FGF20: variants seen among roughly 807,000 people sequenced by gnomAD.
The protein encoded by FGF20 is fibroblast growth factor 20.
Under a neutral mutation model 16.7 loss-of-function variants are expected in FGF20, and 8 were observed. The observed-to-expected ratio is 0.48, with a 90% confidence interval of 0.28 to 0.87. The LOEUF is 0.87. Among genes scored for constraint, FGF20 ranks in the 40% least tolerant of loss-of-function variants. The probability of loss-of-function intolerance (pLI) is 0.10; values close to 1 mark genes in which losing one functional copy is unlikely to be tolerated. For missense variants in FGF20, 397 were observed against 281.4 expected (o/e 1.41, Z -2.94); for synonymous variants, 161 against 118.6 (o/e 1.36, Z -2.32).
rs1476291327 is a variant in FGF20, at chr8:17,002,143, C to G, written c.-111G>C. The G allele has an allele frequency of 1.7e-6, 2 of 1,155,544 alleles. No individual in the cohort carries two copies. Among genetic ancestry groups the G allele is most frequent in the Non-Finnish European group, 1.1e-6 (1 of 873,330 alleles). 71.6% of individuals were successfully genotyped at this position (1,155,544 alleles called of 1,614,324 possible). A position where few individuals can be genotyped will look rare whatever the true frequency, so the allele number is the denominator to read the frequency against. On this transcript the variant is annotated 5_prime_UTR_variant, in exon 1 of 3. Coordinates refer to ENST00000180166, the MANE Select transcript of FGF20 (RefSeq NM_019851.3). ...CAAAACGAGCGCAAAAAGTTAAGGCCCGGTTACTCCTCTGAGGTCGCTCCG... is the reference window on the plus strand; with the variant it reads ...CAAAACGAGCGCAAAAAGTTAAGGCGCGGTTACTCCTCTGAGGTCGCTCCG...
Position 17,002,060 on chromosome 8 carries a change from C to G in FGF20, c.-28G>C, listed in dbSNP as rs1352407288. 1 of 1,511,354 alleles carries G rather than the reference C, an allele frequency of 6.6e-7. No individual in the cohort carries two copies. The highest frequency in any genetic ancestry group is 8.8e-7 in the Non-Finnish European group (1 of 1,131,662). 93.6% of individuals were successfully genotyped at this position (1,511,354 alleles called of 1,614,324 possible). A position where few individuals can be genotyped will look rare whatever the true frequency, so the allele number is the denominator to read the frequency against. On this transcript the variant is annotated 5_prime_UTR_variant, in exon 1 of 3. Transcript: ENST00000180166. Reference sequence around the variant, plus strand: ...AGGGGGAGATCCGGAACACAAAAGACCCCCCCAGTAAAGAGTGTTGTGGGG... The same window carrying G: ...AGGGGGAGATCCGGAACACAAAAGAGCCCCCCAGTAAAGAGTGTTGTGGGG...
At chr8:16,993,498 A>T (rs1039234845) in intron 2 of FGF20, among the ~76,000 whole-genome samples, 181 bp from the exon 3 acceptor site, 11 of 152,122 alleles carry the variant, frequency 7.2e-5, no homozygotes, top group African/African-American at 2.7e-4. Flanking sequence ...AGGTGACTTC[A>T]TCTGGCAGTG....
In FGF20 at chr8:16,995,640, A is replaced by G. The variant is rs905687179; in HGVS notation, c.390+15T>C. 4.2e-6 allele frequency: 5 copies of G among 1,177,656 alleles called. No individual in the cohort carries two copies. The highest frequency in any genetic ancestry group is 6.0e-6 in the Non-Finnish European group (5 of 838,692). 73.0% of individuals were successfully genotyped at this position (1,177,656 alleles called of 1,614,324 possible). ...AAGAATTACAATAATAATAAAAAAT[A>G]AAAATAATACGTACTGATCCATAGA... is the stretch of plus-strand genomic sequence containing the variant. On this transcript the variant is annotated intron_variant, in intron 2 of 2. Coordinates refer to ENST00000180166, the MANE Select transcript of FGF20 (RefSeq NM_019851.3).
At chr8:16,995,979 A>G (rs985594632) in intron 1 of FGF20, among the ~76,000 whole-genome samples, 2 of 152,184 alleles carry the variant, frequency 1.3e-5, no homozygotes, top group African/African-American at 4.8e-5. Context: ...TGGTGAGACA[A>G]TCAAGTATAA....
intron 1 of FGF20, among the ~76,000 whole-genome samples, chr8:17,001,520 G>T (rs1031983830): frequency 6.6e-6 from 1 of 152,140 alleles, no homozygotes; most frequent in African/African-American, 2.4e-5. Flanking sequence ...TGGAGCTGCT[G>T]CCCTGCTAGA....
chr8:16,994,253 C>T (rs1453373848), intron 2 of FGF20, among the ~76,000 whole-genome samples: 1 of 152,152 alleles, frequency 6.6e-6, no homozygotes, highest in African/African-American at 2.4e-5. Context: ...ATTTCAAGAT[C>T]TTGCTAAGAA....
chr8:16,997,710 G>A (rs1248702807), intron 1 of FGF20, among the ~76,000 whole-genome samples: 2 of 152,162 alleles, frequency 1.3e-5, no homozygotes, highest in Non-Finnish European at 2.9e-5. Flanking sequence ...ACAGCAAGAA[G>A]GCTTAGGACA....
In FGF20 at chr8:16,996,633, T is replaced by C. The variant is rs539153134; in HGVS notation, c.287-875A>G. On this transcript the variant is annotated intron_variant, in intron 1 of 2. Coordinates refer to ENST00000180166, the MANE Select transcript of FGF20 (RefSeq NM_019851.3). ...CTACGATAAATCAAGTCAATCTGTT[T>C]CTAGGAGCAGCAGCATCCCTTATTG... Among the ~76,000 whole-genome samples, 261 of 152,282 alleles carry C rather than the reference T, an allele frequency of 1.7e-3. 1 individual carries two copies. Among genetic ancestry groups the C allele is most frequent in the African/African-American group, 6.0e-3 (251 of 41,568 alleles).
intron 1 of FGF20, among the ~76,000 whole-genome samples, chr8:16,998,512 A>G (rs1486635182): frequency 6.6e-6 from 1 of 152,222 alleles, no homozygotes; most frequent in Non-Finnish European, 1.5e-5. Context: ...CTTTACAAAG[A>G]GTAGACATGA....
chr8:16,997,568 T>G (rs917326641), intron 1 of FGF20, among the ~76,000 whole-genome samples: 1 of 152,138 alleles, frequency 6.6e-6, no homozygotes, highest in Non-Finnish European at 1.5e-5. Context: ...TCTTTCAAAC[T>G]ATTAGGAGAT....
At chr8:17,001,624 G>A (rs1293564938) in intron 1 of FGF20, 123 bp downstream of exon 1, 5 of 1,178,874 alleles carry the variant, frequency 4.2e-6, no homozygotes, top group Admixed American at 3.2e-5. Context: ...GATGGGTCCA[G>A]GGGAGCTCCG....
chr8:17,000,597 G>A (rs143686691), intron 1 of FGF20, among the ~76,000 whole-genome samples: 7 of 152,150 alleles, frequency 4.6e-5, no homozygotes, highest in African/African-American at 1.7e-4. Flanking sequence ...TCAAAAGTTT[G>A]ATAATCAAAA....
intron 2 of FGF20, among the ~76,000 whole-genome samples, chr8:16,994,025 T>C (rs3905792): frequency 0.96 from 145,735 of 152,150 alleles, 70,102 homozygotes; most frequent in East Asian, 1. Flanking sequence ...AATACCAGTC[T>C]ATGGCCCAGG....
chr8:17,001,054 C>G (rs992205921), intron 1 of FGF20, among the ~76,000 whole-genome samples: 39 of 151,060 alleles, frequency 2.6e-4, no homozygotes, highest in African/African-American at 8.1e-4. Context: ...CCCCTCCCCC[C>G]CTTTCCTTTT....
chr8:16,996,616 A>G (rs1810053373), intron 1 of FGF20, among the ~76,000 whole-genome samples: 1 of 152,180 alleles, frequency 6.6e-6, no homozygotes, highest in African/African-American at 2.4e-5. Flanking sequence ...ATCTACGATA[A>G]ATCAAGTCAA....
intron 2 of FGF20, among the ~76,000 whole-genome samples, chr8:16,993,984 G>C (rs1018233601): frequency 2.0e-5 from 3 of 152,164 alleles, no homozygotes; most frequent in Non-Finnish European, 4.4e-5. Context: ...ACCTCCTGCT[G>C]TGCAGCCCAG....
chr8:16,999,518 CTTTTTTTTT>C (rs370808443), intron 1 of FGF20, among the ~76,000 whole-genome samples: 115 of 85,850 alleles, frequency 1.3e-3, no homozygotes, highest in Admixed American at 2.0e-3. Context: ...TACAAGTTTC[CTTTTTTTTT>C]TTTTTTTTTT....
chr8:16,995,584 T>A (rs1252642118), intron 2 of FGF20, 71 bp downstream of exon 2: 1 of 628,666 alleles, frequency 1.6e-6, no homozygotes, highest in Non-Finnish European at 2.5e-6. Flanking sequence ...TTGGTAGACA[T>A]TTTAATTACA....
Position 16,992,961 on chromosome 8 carries a change from A to G in FGF20, c.*111T>C, listed in dbSNP as rs6982917. On this transcript the variant is annotated 3_prime_UTR_variant, in exon 3 of 3. Coordinates refer to ENST00000180166, the MANE Select transcript of FGF20 (RefSeq NM_019851.3). ...CTTTCCAAATCCAGTCTCTCAGTAGAAAATAGACTTTAATATTTTGAACGT... is the reference window on the plus strand; with the variant it reads ...CTTTCCAAATCCAGTCTCTCAGTAGGAAATAGACTTTAATATTTTGAACGT... The G allele has an allele frequency of 1.1e-3, 1,442 of 1,356,582 alleles. 14 individuals carry two copies. In the African/African-American group the frequency reaches 0.019, roughly 18 times the overall value. The allele number at this position is 1,356,582 out of a possible 1,614,324, so 84.0% of individuals were successfully genotyped here.
Sources: allele counts gnomAD v4.1 joint callset (sites outside exome capture counted in the v4.1 genomes callset), GRCh38; gene constraint gnomAD v4.1.1; transcripts MANE v1.5; gene names NCBI Gene and HGNC (gene_info 2026-07-23, HGNC 2026-07-21).